TDRD5: variants seen among roughly 807,000 people sequenced by gnomAD.
TDRD5 encodes tudor domain containing 5.
Under a neutral mutation model 120.6 loss-of-function variants are expected in TDRD5, and 41 were observed. That is an observed-to-expected ratio of 0.34 (90% CI 0.26 to 0.44). The LOEUF (loss-of-function observed/expected upper bound fraction) is 0.44, where lower values mean the gene tolerates loss of function less well. Among genes scored for constraint, TDRD5 ranks in the 20% least tolerant of loss-of-function variants. The pLI, the probability that TDRD5 is intolerant of heterozygous loss-of-function variation, is 1.00. For synonymous variants in TDRD5, 430 were observed against 433.7 expected, an observed-to-expected ratio of 0.99 and a Z score of 0.11; for missense variants, 1,006 against 1,221.2, an observed-to-expected ratio of 0.82 and a Z score of 2.63.
chr1:179,648,608 AGAAAC>A (rs1678537197), intron 11 of TDRD5, among the ~76,000 whole-genome samples: 1 of 151,292 alleles, frequency 6.6e-6, no homozygotes, highest in East Asian at 1.9e-4. Flanking sequence ...AAAAAAAAAA[AGAAAC>A]AAACCACCCT....
intron 11 of TDRD5, among the ~76,000 whole-genome samples, chr1:179,648,534 T>G (rs575317277): frequency 1.6e-4 from 24 of 148,354 alleles, no homozygotes; most frequent in Admixed American, 4.1e-4. Flanking sequence ...GCATGGCACA[T>G]GTATACATAT....
intron 17 of TDRD5, among the ~76,000 whole-genome samples, chr1:179,677,416 T>A (rs1045273672): frequency 2.0e-5 from 3 of 152,138 alleles, no homozygotes; most frequent in Non-Finnish European, 2.9e-5. Context: ...TTTAGGGGTG[T>A]TAAAGAACCT....
rs2102014990 is a variant in TDRD5, at chr1:179,635,870, C to T, written c.1503C>T (p.Asp501=). The change falls in exon 9 of 18, where the codon GAC becomes GAT. Residue 501 remains aspartate (D), a synonymous_variant. Coordinates refer to ENST00000444136, the MANE Select transcript of TDRD5 (RefSeq NM_001199085.3). ...YSRDSSELLE[D]MMIEMRRCYS... Reference sequence around the variant, plus strand: ...GGGATTCGTCAGAGTTACTCGAAGACATGATGATTGAAATGCGGTAGGAGT... The same window carrying T: ...GGGATTCGTCAGAGTTACTCGAAGATATGATGATTGAAATGCGGTAGGAGT... The T allele has an allele frequency of 1.2e-6, 2 of 1,613,536 alleles. No individual in the cohort carries two copies. The highest frequency in any genetic ancestry group is 1.7e-6 in the Non-Finnish European group (2 of 1,179,890).
At chr1:179,598,026 A>C (rs1292730719) in intron 4 of TDRD5, among the ~76,000 whole-genome samples, 4 of 152,224 alleles carry the variant, frequency 2.6e-5, no homozygotes, top group African/African-American at 9.6e-5. Flanking sequence ...TTGTATGATC[A>C]TCATAGAATG....
chr1:179,689,363 C>T (rs1680970244), intron 17 of TDRD5, among the ~76,000 whole-genome samples: 1 of 152,214 alleles, frequency 6.6e-6, no homozygotes, highest in Non-Finnish European at 1.5e-5. Flanking sequence ...GGCTGCAGAA[C>T]AGCAAATATT....
intron 17 of TDRD5, among the ~76,000 whole-genome samples, chr1:179,679,692 G>A (rs576841141): frequency 4.8e-5 from 7 of 145,958 alleles, no homozygotes; most frequent in Non-Finnish European, 1.1e-4. Flanking sequence ...GTAGATATTA[G>A]TAATTTGTGC....
At chr1:179,643,700 G>A (rs72706753) in intron 11 of TDRD5, among the ~76,000 whole-genome samples, 5,774 of 152,192 alleles carry the variant, frequency 0.038, 175 homozygotes, top group East Asian at 0.11. Context: ...ACTTAAGGAA[G>A]TCTATGGCTC....
At chr1:179,661,952 T>C (rs1303056135) in intron 14 of TDRD5, 152 bp from the exon 15 acceptor site, 1 of 643,116 alleles carries the variant, frequency 1.6e-6, no homozygotes, top group Admixed American at 3.9e-5. Context: ...CTCTTTATTA[T>C]TTTGGTGGCA....
chr1:179,652,249 C>T, intron 13 of TDRD5, 52 bp downstream of exon 13: 1 of 1,496,818 alleles, frequency 6.7e-7, no homozygotes, highest in Middle Eastern at 2.0e-4. Flanking sequence ...CTGTAATCCT[C>T]ATTTTTTTAG....
chr1:179,669,172 C>T, intron 16 of TDRD5, 22 bp from the exon 17 acceptor site: 1 of 1,598,974 alleles, frequency 6.3e-7, no homozygotes, highest in Non-Finnish European at 8.5e-7. Context: ...CATGTTTTTG[C>T]CCCATTTTTC....
At position 179,652,188 on chromosome 1, in the gene TDRD5, A is replaced by C; in HGVS notation, c.2151A>C (p.Leu717Phe). The C allele has an allele frequency of 6.2e-7, 1 of 1,603,026 alleles. No homozygotes were observed. Among genetic ancestry groups the C allele is most frequent in the Non-Finnish European group, 8.5e-7 (1 of 1,177,482 alleles). Residue 717 changes from leucine to phenylalanine, a missense_variant, in exon 13 of 18, where the codon TTA becomes TTC. Coordinates refer to ENST00000444136, the MANE Select transcript of TDRD5 (RefSeq NM_001199085.3). ...KISPQSKESE[L>F]RILQDINDEK... ...GTCCACAGTCAAAAGAGAGTGAGTT[A>C]CGTATCTTGGTAAGAGATTTTTGCA...
chr1:179,689,644 C>G (rs1303012935), intron 17 of TDRD5, among the ~76,000 whole-genome samples: 1 of 152,190 alleles, frequency 6.6e-6, no homozygotes, highest in Non-Finnish European at 1.5e-5. Context: ...ATGCCCTGCT[C>G]CCAGAGGTGG....
At chr1:179,614,744 A>AG (rs945128615) in intron 4 of TDRD5, among the ~76,000 whole-genome samples, 6 of 151,304 alleles carry the variant, frequency 4.0e-5, no homozygotes, top group Non-Finnish European at 7.4e-5. Flanking sequence ...CACTCGGGGG[A>AG]GGGGGGGTTT....
chr1:179,632,705 C>T (rs1224464884), intron 7 of TDRD5, among the ~76,000 whole-genome samples: 1 of 151,884 alleles, frequency 6.6e-6, no homozygotes, highest in African/African-American at 2.4e-5. Context: ...ATTTTTGGAC[C>T]TCTTCTATAT....
chr1:179,689,829 C>T (rs574250507), intron 17 of TDRD5, among the ~76,000 whole-genome samples: 17 of 152,278 alleles, frequency 1.1e-4, no homozygotes, highest in Admixed American at 2.0e-4. Flanking sequence ...AGTGAGGCTC[C>T]GTGGGCGTGG....
chr1:179,675,270 A>ATTTT (rs879312785), intron 17 of TDRD5, among the ~76,000 whole-genome samples: 724 of 58,924 alleles, frequency 0.012, 34 homozygotes, highest in African/African-American at 0.021. Flanking sequence ...TATTATTATT[A>ATTTT]TTATTTTTTT....
chr1:179,609,636 T>C (rs1173376307), intron 4 of TDRD5, among the ~76,000 whole-genome samples: 2 of 152,134 alleles, frequency 1.3e-5, no homozygotes, highest in African/African-American at 4.8e-5. Flanking sequence ...GACCTGCAGG[T>C]CCAGAACAGC....
intron 6 of TDRD5, among the ~76,000 whole-genome samples, chr1:179,629,213 A>G (rs1677301856): frequency 6.6e-6 from 1 of 152,204 alleles, no homozygotes; most frequent in African/African-American, 2.4e-5. Flanking sequence ...AATTTAGCAG[A>G]TAACAACCCA....
In TDRD5 at chr1:179,652,020, T is replaced by A; in HGVS notation, c.2002-19T>A. The stretch of plus-strand genomic sequence containing the variant: ...TGGTCATGTAAATTAAACCATCCCT[T>A]TTCTTTTTTTAATCTTAGGGTTTCA... On this transcript the variant is annotated intron_variant, in intron 12 of 17. Coordinates refer to ENST00000444136, the MANE Select transcript of TDRD5 (RefSeq NM_001199085.3). 6.2e-7 allele frequency: 1 copy of A among 1,607,512 alleles called. No individual in the cohort carries two copies. Among genetic ancestry groups the A allele is most frequent in the South Asian group, 1.1e-5 (1 of 88,990 alleles).
Sources: gnomAD v4.1 joint callset for allele counts (sites outside exome capture counted in the v4.1 genomes callset) on GRCh38, gnomAD v4.1.1 for gene constraint, MANE v1.5 for transcripts, NCBI Gene and HGNC (gene_info 2026-07-23, HGNC 2026-07-21) for gene names.